SEMA3A: variants seen among roughly 807,000 people sequenced by gnomAD.
SEMA3A encodes semaphorin-3A.
SEMA3A carries 29 observed loss-of-function variants against 97.9 expected under a neutral mutation model. The observed-to-expected ratio is 0.30, with a 90% CI of 0.22 to 0.40. The LOEUF is 0.40. Among genes scored for constraint, SEMA3A ranks in the 10% least tolerant of loss-of-function variants. The pLI is 1.00. For synonymous variants in SEMA3A, 321 were observed against 323.7 expected (o/e 0.99, Z 0.09); for missense variants, 763 against 951.3 (o/e 0.80, Z 2.60).
chr7:84,199,090 G>A (rs1798298549), upstream of SEMA3A, among the ~76,000 whole-genome samples: 1 of 152,080 alleles, frequency 6.6e-6, no homozygotes. Flanking sequence ...TAAGAGCAGC[G>A]CTGTTTCCTA....
At chr7:84,058,267 G>GT (rs1335891177) in intron 5 of SEMA3A, among the ~76,000 whole-genome samples, 1 of 152,054 alleles carries the variant, frequency 6.6e-6, no homozygotes. Context: ...GGGAACATAG[G>GT]TTTTCCCAAT....
At chr7:84,279,189 A>C (rs1800379083) in intron 3 of SEMA3A, among the ~76,000 whole-genome samples, 2 of 152,094 alleles carry the variant, frequency 1.3e-5, no homozygotes, top group Non-Finnish European at 1.5e-5. Flanking sequence ...ATTGCAAAGG[A>C]AAAAAGAAAT....
intron 1 of SEMA3A, among the ~76,000 whole-genome samples, chr7:84,478,844 C>A (rs1202534203): frequency 6.6e-6 from 1 of 151,764 alleles, no homozygotes; most frequent in Non-Finnish European, 1.5e-5. Flanking sequence ...ATCTTTTTAG[C>A]AATAGCTATA....
intron 2 of SEMA3A, among the ~76,000 whole-genome samples, chr7:84,355,932 TGC>T (rs1463136732): frequency 7.3e-6 from 1 of 136,140 alleles, no homozygotes; most frequent in East Asian, 2.2e-4. Flanking sequence ...GCCTTCATAA[TGC>T]TATTTTTGGA....
chr7:84,227,904 T>C lies in SEMA3A; in HGVS notation c.-82-33236A>G, dbSNP rs112919729. Among the ~76,000 whole-genome samples the C allele has an allele frequency of 8.5e-4, 129 of 151,720 alleles. 1 individual carries two copies. Among genetic ancestry groups the C allele is most frequent in the African/African-American group, 2.9e-3 (122 of 41,406 alleles). On this transcript the variant is annotated intron_variant, in intron 3 of 3. Transcript: ENST00000424555. The stretch of plus-strand genomic sequence containing the variant: ...TGATGTAAGTCTCTGTGTGTGTGTG[T>C]GTGCGTGCGTGTGTGTGTCAGGGAG...
chr7:84,272,488 C>T (rs921708750), intron 3 of SEMA3A, among the ~76,000 whole-genome samples: 2 of 151,826 alleles, frequency 1.3e-5, no homozygotes, highest in African/African-American at 4.8e-5. Context: ...TTTTTCTATT[C>T]AAATATATTA....
chr7:84,067,402 A>C lies in SEMA3A; in HGVS notation c.454-6844T>G, dbSNP rs1328803518. Among the ~76,000 whole-genome samples the C allele has an allele frequency of 3.2e-4, 48 of 152,276 alleles. No individual in the cohort carries two copies. The East Asian group carries it at 8.9e-3, about 28-fold the overall frequency. ...CTAAAACACCAAAAGCCATGGCAAC[A>C]AAAGCCAAAATTGACAAATGGGATC... On this transcript the variant is annotated intron_variant, in intron 4 of 16. Transcript: ENST00000265362.
At chr7:84,347,071 T>C (rs906152581) in intron 2 of SEMA3A, among the ~76,000 whole-genome samples, 1 of 152,196 alleles carries the variant, frequency 6.6e-6, no homozygotes, top group African/African-American at 2.4e-5. Context: ...ATGTGAAATT[T>C]ACCTGTATTA....
intron 6 of SEMA3A, among the ~76,000 whole-genome samples, chr7:84,036,868 G>A (rs904143848): frequency 2.0e-5 from 3 of 151,822 alleles, no homozygotes; most frequent in African/African-American, 7.3e-5. Context: ...AATGTTTTGA[G>A]CTTATAAAAA....
At chr7:84,235,274 A>G (rs140754314) in intron 3 of SEMA3A, among the ~76,000 whole-genome samples, 85 of 152,154 alleles carry the variant, frequency 5.6e-4, no homozygotes, top group Non-Finnish European at 1.0e-3. Context: ...ATTTTTCTGT[A>G]TTACTGAGTG....
At chr7:84,178,956 C>G (rs1203220216) in intron 1 of SEMA3A, among the ~76,000 whole-genome samples, 2 of 152,106 alleles carry the variant, frequency 1.3e-5, no homozygotes, top group Admixed American at 1.3e-4. Flanking sequence ...TCCCACCCCT[C>G]CATGCCTGCC....
At chr7:84,281,211 A>G (rs887606531) in intron 3 of SEMA3A, among the ~76,000 whole-genome samples, 2 of 152,136 alleles carry the variant, frequency 1.3e-5, no homozygotes, top group African/African-American at 2.4e-5. Context: ...TTTCTGATAG[A>G]AGATTCGGCC....
At chr7:84,148,644 T>A (rs1431193212) in intron 1 of SEMA3A, among the ~76,000 whole-genome samples, 10 of 152,192 alleles carry the variant, frequency 6.6e-5, no homozygotes, top group South Asian at 2.1e-4. Context: ...TCTAAGTTGA[T>A]CCTTGAACAA....
intron 3 of SEMA3A, among the ~76,000 whole-genome samples, chr7:84,128,731 G>A (rs988695220): frequency 5.9e-5 from 9 of 152,104 alleles, no homozygotes; most frequent in South Asian, 2.1e-4. Context: ...ACTGCAGGTC[G>A]AGCATCCCTA....
At chr7:84,198,230 T>C (rs949155334), upstream of SEMA3A, among the ~76,000 whole-genome samples, 2 of 150,374 alleles carry the variant, frequency 1.3e-5, no homozygotes, top group African/African-American at 4.9e-5. Flanking sequence ...AGTTTTGCTC[T>C]TGTTGCCCAG....
At chr7:84,484,545 TCACA>T (rs10573589) in intron 1 of SEMA3A, among the ~76,000 whole-genome samples, 6,029 of 149,316 alleles carry the variant, frequency 0.04, 348 homozygotes, top group African/African-American at 0.13. Context: ...TTGTTCACTT[TCACA>T]CACACACACA....
chr7:83,970,067 C>T (rs10226850), intron 15 of SEMA3A, among the ~76,000 whole-genome samples: 24,554 of 152,166 alleles, frequency 0.16, 2,270 homozygotes, highest in Non-Finnish European at 0.21. Flanking sequence ...TGATTCCCCA[C>T]GGGTTCAACC....
At chr7:84,477,438 C>CAAAAAAAA (rs11335984) in intron 1 of SEMA3A, among the ~76,000 whole-genome samples, 2 of 42,374 alleles carry the variant, frequency 4.7e-5, no homozygotes, top group Non-Finnish European at 1.1e-4. Context: ...GACTCTGTCT[C>CAAAAAAAA]AAAAAAAAAA....
At chr7:84,404,665 AG>A (rs1430203377) in intron 1 of SEMA3A, among the ~76,000 whole-genome samples, 1 of 152,236 alleles carries the variant, frequency 6.6e-6, no homozygotes, top group African/African-American at 2.4e-5. Context: ...TTACCCAAAA[AG>A]GGAAGCCCAT....
Sources: allele counts gnomAD v4.1 joint callset (sites outside exome capture counted in the v4.1 genomes callset), GRCh38; gene constraint gnomAD v4.1.1; transcripts MANE v1.5; gene names NCBI Gene and HGNC (gene_info 2026-07-23, HGNC 2026-07-21).